Variants in MID1 observed in about 807,000 individuals in gnomAD.
MID1 encodes midline 1.
MID1 carries 7 observed loss-of-function variants against 40.4 expected under a neutral mutation model. That is an observed-to-expected ratio of 0.17 (90% CI 0.10 to 0.33). The LOEUF (loss-of-function observed/expected upper bound fraction) is 0.33. Among genes scored for constraint, MID1 ranks in the 10% least tolerant of loss-of-function variants. MID1 has a pLI of 1.00. For missense variants in MID1, 367 were observed against 558.5 expected (o/e 0.66, Z 3.46); for synonymous variants, 229 against 221.2 (o/e 1.04, Z -0.31).
chrX:10,523,035 C>T (rs998111133), intron 3 of MID1, 57 bp downstream of exon 3: 4 of 845,173 alleles, frequency 4.7e-6, no homozygotes, highest in Admixed American at 4.6e-5. Flanking sequence ...GATATCAAAA[C>T]CTTGATCTGG....
intron 2 of MID1, among the ~76,000 whole-genome samples, chrX:10,524,284 T>C (rs1932787087): frequency 1.8e-5 from 2 of 111,935 alleles, no homozygotes; most frequent in Non-Finnish European, 3.8e-5. Flanking sequence ...TTCCTTCTCA[T>C]TCACATGCTC....
At chrX:10,467,836 CT>C (rs1470959518) in intron 7 of MID1, among the ~76,000 whole-genome samples, 1 of 111,784 alleles carries the variant, frequency 8.9e-6, no homozygotes, top group African/African-American at 3.3e-5. Context: ...AGCCCTGGTT[CT>C]ATTTCTCTAT....
intron 4 of MID1, among the ~76,000 whole-genome samples, chrX:10,488,223 A>G (rs988265866): frequency 1.8e-5 from 2 of 111,025 alleles, no homozygotes; most frequent in Admixed American, 9.6e-5. Context: ...GCTCAAAGCA[A>G]TCCACCTGCC....
chrX:10,533,067 CG>C (rs1290542289), intron 2 of MID1, among the ~76,000 whole-genome samples: 1 of 109,843 alleles, frequency 9.1e-6, no homozygotes, highest in African/African-American at 3.3e-5. Flanking sequence ...CCACCGTGCC[CG>C]CCCTCATTTT....
intron 9 of MID1, among the ~76,000 whole-genome samples, chrX:10,449,956 T>A (rs1928226950): frequency 8.9e-6 from 1 of 112,106 alleles, no homozygotes; most frequent in Admixed American, 9.4e-5. Flanking sequence ...CCCACATTTC[T>A]GTTTTCAGCT....
intron 2 of MID1, among the ~76,000 whole-genome samples, chrX:10,528,998 C>T (rs1405275021): frequency 9.0e-6 from 1 of 111,696 alleles, no homozygotes; most frequent in African/African-American, 3.3e-5. Flanking sequence ...AGACCTTCAA[C>T]AAGTTCTTAA....
At chrX:10,764,920 T>C (rs978246828) in intron 1 of MID1, among the ~76,000 whole-genome samples, 3 of 112,127 alleles carry the variant, frequency 2.7e-5, no homozygotes, top group East Asian at 2.8e-4. Flanking sequence ...CGGACTTTTC[T>C]GTAGAACCTC....
chrX:10,623,941 G>C (rs982204674), upstream of MID1, among the ~76,000 whole-genome samples: 1 of 111,417 alleles, frequency 9.0e-6, no homozygotes, highest in Non-Finnish European at 1.9e-5. Flanking sequence ...TACCGTGTTC[G>C]AAGTGATTAG....
intron 1 of MID1, among the ~76,000 whole-genome samples, chrX:10,728,644 G>A (rs1438622938): frequency 8.9e-6 from 1 of 112,242 alleles, no homozygotes; most frequent in African/African-American, 3.2e-5. Flanking sequence ...AGATCCGTTG[G>A]AAAGGCTATT....
intron 1 of MID1, among the ~76,000 whole-genome samples, chrX:10,734,281 G>A (rs189045713): frequency 8.8e-4 from 98 of 111,530 alleles, no homozygotes; most frequent in Admixed American, 1.1e-3. Context: ...GCAAACTAAC[G>A]CAGGAACAGA....
chrX:10,817,546 TTCTTTCTTTCTTTCTTTCTTTCTTTCTC>T (rs1204328675), intron 1 of MID1, among the ~76,000 whole-genome samples: 44 of 103,031 alleles, frequency 4.3e-4, no homozygotes, highest in African/African-American at 1.5e-3. Flanking sequence ...CTTTCTTTCT[TTCTTTCTTTCTTTCTTTCTTTCTTTCTC>T]TCTTTCTTTC....
chrX:10,671,921 A>T (rs2042989236), intron 1 of MID1, among the ~76,000 whole-genome samples: 1 of 111,233 alleles, frequency 9.0e-6, no homozygotes, highest in African/African-American at 3.3e-5. Flanking sequence ...AATACATATC[A>T]AGTTAATATA....
chrX:10,810,988 C>G (rs2044095674), intron 1 of MID1, among the ~76,000 whole-genome samples: 1 of 110,777 alleles, frequency 9.0e-6, no homozygotes, highest in African/African-American at 3.3e-5. Flanking sequence ...TGTATGGTCC[C>G]CCTATCAGTA....
intron 1 of MID1, among the ~76,000 whole-genome samples, chrX:10,665,716 C>T (rs983087885): frequency 3.7e-5 from 4 of 108,905 alleles, no homozygotes; most frequent in African/African-American, 1.3e-4. Context: ...TCTGTAGAGA[C>T]GAGGTCTTGC....
At chrX:10,510,830 C>CAAAAAAAAAAAAAAAAAAAAAAA (rs1185825614) in intron 3 of MID1, among the ~76,000 whole-genome samples, 2 of 23,946 alleles carry the variant, frequency 8.4e-5, no homozygotes, top group African/African-American at 3.1e-4. Flanking sequence ...GACTCTGTCT[C>CAAAAAAAAAAAAAAAAAAAAAAA]AAAAAAAAAA....
At chrX:10,476,155 CA>C (rs1929997862) in intron 5 of MID1, among the ~76,000 whole-genome samples, 1 of 111,176 alleles carries the variant, frequency 9.0e-6, no homozygotes, top group African/African-American at 3.3e-5. Flanking sequence ...ATGAAATGTC[CA>C]AAAAAGGCAA....
At chrX:10,719,651 C>T (rs2043333903) in intron 1 of MID1, among the ~76,000 whole-genome samples, 1 of 110,637 alleles carries the variant, frequency 9.0e-6, no homozygotes, top group Non-Finnish European at 1.9e-5. Context: ...CAATGCCATC[C>T]CCATCAAGCT....
intron 3 of MID1, among the ~76,000 whole-genome samples, chrX:10,507,688 T>C (rs996707507): frequency 2.7e-5 from 3 of 112,150 alleles, no homozygotes; most frequent in Non-Finnish European, 5.6e-5. Context: ...ACAGAAACCA[T>C]CTTTCTCTGG....
At chrX:10,492,784 G>A (rs1029956429) in intron 4 of MID1, among the ~76,000 whole-genome samples, 5 of 112,197 alleles carry the variant, frequency 4.5e-5, no homozygotes, top group Non-Finnish European at 9.4e-5. Context: ...CTCATTTCTG[G>A]CCTGTGGAGA....
Sources: gnomAD v4.1 joint callset for allele counts (sites outside exome capture counted in the v4.1 genomes callset) on GRCh38, gnomAD v4.1.1 for gene constraint, MANE v1.5 for transcripts, NCBI Gene and HGNC (gene_info 2026-07-23, HGNC 2026-07-21) for gene names.